RAB2A: variants seen among roughly 807,000 people sequenced by gnomAD.
RAB2A encodes RAB2A, member RAS oncogene family, also known as ras-related protein Rab-2A.
A neutral mutation model predicts 32.5 loss-of-function variants in RAB2A; 7 were observed. The ratio of observed to expected loss-of-function variants is 0.22; its 90% CI spans 0.12 to 0.40. The LOEUF (loss-of-function observed/expected upper bound fraction) is 0.40. RAB2A is among the 10% of genes least tolerant of loss of function. The pLI, the probability that RAB2A is intolerant of heterozygous loss-of-function variation, is 1.00. For missense variants in RAB2A, 108 were observed against 260.7 expected (o/e 0.41, Z 4.03); for synonymous variants, 79 against 85.2 (o/e 0.93, Z 0.40).
chr8:60,610,894 C>T (rs115017146), intron 6 of RAB2A, among the ~76,000 whole-genome samples: 1,855 of 152,316 alleles, frequency 0.012, 38 homozygotes, highest in African/African-American at 0.042. Flanking sequence ...GAGTTTCCCA[C>T]TTGTACGATG....
intron 2 of RAB2A, among the ~76,000 whole-genome samples, chr8:60,559,988 T>C (rs1338147765): frequency 6.6e-6 from 1 of 152,246 alleles, no homozygotes; most frequent in African/African-American, 2.4e-5. Flanking sequence ...CTACTGTCAT[T>C]AAGACTATCC....
chr8:60,536,698 T>C (rs1405342635), intron 1 of RAB2A, among the ~76,000 whole-genome samples: 1 of 152,236 alleles, frequency 6.6e-6, no homozygotes, highest in Admixed American at 6.5e-5. Flanking sequence ...TCAGGATCAT[T>C]TCACTTATAG....
At chr8:60,601,386 G>A (rs1296579354) in intron 6 of RAB2A, among the ~76,000 whole-genome samples, 6 of 151,852 alleles carry the variant, frequency 4.0e-5, no homozygotes, top group Admixed American at 3.9e-4. Flanking sequence ...CACCCAGTTG[G>A]GAATGCATTG....
rs148434774 is a variant in RAB2A, at chr8:60,619,363, T to C, written c.543+715T>C. Among the ~76,000 whole-genome samples the C allele has an allele frequency of 9.2e-5, 14 of 152,324 alleles. No homozygotes were observed. In the East Asian group the frequency reaches 2.7e-3, roughly 29 times the overall value. On this transcript the variant is annotated intron_variant, in intron 7 of 7. Transcript: ENST00000262646. ...CCTACTTATTCTTACATAAATATTTTTGCCATTCTGTATTAAGATTTCTGG... is the reference window on the plus strand; with the variant it reads ...CCTACTTATTCTTACATAAATATTTCTGCCATTCTGTATTAAGATTTCTGG...
At chr8:60,535,697 A>T (rs376810795) in intron 1 of RAB2A, among the ~76,000 whole-genome samples, 15 of 152,314 alleles carry the variant, frequency 9.8e-5, no homozygotes, top group Middle Eastern at 3.4e-3. Context: ...AAGTTTGAAA[A>T]TGGGCAAAAT....
chr8:60,597,750 A>C (rs1804053928), intron 6 of RAB2A, among the ~76,000 whole-genome samples: 2 of 152,148 alleles, frequency 1.3e-5, no homozygotes, highest in African/African-American at 4.8e-5. Context: ...CAGTGAAACA[A>C]AGAGCTGGAT....
chr8:60,558,782 C>G (rs767473095), intron 1 of RAB2A, 70 bp from the exon 2 acceptor site: 2 of 1,325,524 alleles, frequency 1.5e-6, no homozygotes, highest in Non-Finnish European at 2.2e-6. Context: ...GCCTCTTTTC[C>G]ATGTCCTTTT....
At chr8:60,521,996 C>T (rs752061191) in intron 1 of RAB2A, among the ~76,000 whole-genome samples, 9 of 152,144 alleles carry the variant, frequency 5.9e-5, no homozygotes, top group Non-Finnish European at 1.3e-4. Flanking sequence ...GGGGATCTGA[C>T]AAAGTTGTCC....
In RAB2A at chr8:60,622,260, C is replaced by A. The variant is rs1052207033; in HGVS notation, c.*1491C>A. On this transcript the variant is annotated 3_prime_UTR_variant, in exon 8 of 8. Transcript: ENST00000262646. ...GAAAGAAAGCATAAAGAAGTTCTAA[C>A]TCTGAAACTAACTACTTTCATTTCG... 6.6e-6 allele frequency: 1 copy of A among 152,204 alleles called. No homozygotes were observed. The highest frequency in any genetic ancestry group is 2.4e-5 in the African/African-American group (1 of 41,456). The allele number at this position is 152,204 out of a possible 1,614,324, so 9.4% of individuals were successfully genotyped here.
At chr8:60,554,315 G>T (rs1326897392) in intron 1 of RAB2A, among the ~76,000 whole-genome samples, 1 of 152,138 alleles carries the variant, frequency 6.6e-6, no homozygotes, top group Non-Finnish European at 1.5e-5. Context: ...TGATGAGATT[G>T]GTGAACCATT....
intron 1 of RAB2A, among the ~76,000 whole-genome samples, chr8:60,548,413 C>T (rs1586075174): frequency 1.8e-5 from 1 of 54,750 alleles, no homozygotes; most frequent in Non-Finnish European, 3.0e-5. Context: ...CCCTCCCGGA[C>T]GGGGCGGCTG....
intron 6 of RAB2A, among the ~76,000 whole-genome samples, chr8:60,607,139 A>AT (rs1174630593): frequency 2.7e-5 from 3 of 109,182 alleles, no homozygotes; most frequent in African/African-American, 6.9e-5. Flanking sequence ...TTTTTTTAAG[A>AT]TTTTTTTGGG....
intron 1 of RAB2A, among the ~76,000 whole-genome samples, chr8:60,555,240 C>G (rs976188997): frequency 7.2e-5 from 11 of 152,142 alleles, no homozygotes; most frequent in Non-Finnish European, 1.2e-4. Flanking sequence ...TCTTTCAAAA[C>G]TAGACCCAAA....
At chr8:60,548,720 G>C (rs184250282) in intron 1 of RAB2A, among the ~76,000 whole-genome samples, 41,318 of 120,750 alleles carry the variant, frequency 0.34, 7,884 homozygotes, top group East Asian at 0.5. Flanking sequence ...GGGCAGCCGG[G>C]CAGAGGCACC....
chr8:60,532,168 A>G (rs1011957441), intron 1 of RAB2A, among the ~76,000 whole-genome samples: 3 of 152,156 alleles, frequency 2.0e-5, no homozygotes, highest in Non-Finnish European at 4.4e-5. Flanking sequence ...ATTTCAGTCA[A>G]TTTTGAACCC....
chr8:60,566,681 A>G (rs10100740), intron 2 of RAB2A, among the ~76,000 whole-genome samples: 34,670 of 152,080 alleles, frequency 0.23, 4,050 homozygotes, highest in Middle Eastern at 0.38. Context: ...ACTGGTGGAC[A>G]TTGGGCTTCT....
chr8:60,547,958 G>C (rs1242880444), intron 1 of RAB2A, among the ~76,000 whole-genome samples: 2 of 49,636 alleles, frequency 4.0e-5, no homozygotes, highest in Non-Finnish European at 3.7e-5. Flanking sequence ...GGGCGGCCGG[G>C]CAGAGGCGCC....
At chr8:60,561,960 G>A (rs947843012) in intron 2 of RAB2A, among the ~76,000 whole-genome samples, 9 of 152,078 alleles carry the variant, frequency 5.9e-5, no homozygotes, top group African/African-American at 2.2e-4. Context: ...ATTCTTCTCA[G>A]TCTGCCTCTC....
chr8:60,566,021 C>G (rs564565016), intron 2 of RAB2A, among the ~76,000 whole-genome samples: 10 of 152,094 alleles, frequency 6.6e-5, no homozygotes, highest in Non-Finnish European at 1.2e-4. Context: ...CCCTCTGTAG[C>G]TGATTTTTAA....
Sources: gnomAD v4.1 joint callset for allele counts (sites outside exome capture counted in the v4.1 genomes callset) on GRCh38, gnomAD v4.1.1 for gene constraint, MANE v1.5 for transcripts, NCBI Gene and HGNC (gene_info 2026-07-23, HGNC 2026-07-21) for gene names.